The following VWA5A variants were observed in gnomAD, a reference collection of about 807,000 sequenced individuals.
The protein encoded by VWA5A is von Willebrand factor A domain-containing protein 5A.
VWA5A carries 77 observed loss-of-function variants against 84.6 expected under a neutral mutation model. The ratio of observed to expected loss-of-function variants is 0.91; its 90% CI spans 0.76 to 1.10. The LOEUF is 1.10. Ranked by LOEUF, VWA5A falls within the 50% of genes least tolerant of loss-of-function variation. The pLI is 0.00. For missense variants in VWA5A, 973 were observed against 963.0 expected (o/e 1.01, Z -0.14); for synonymous variants, 334 against 350.1 (o/e 0.95, Z 0.51).
chr11:124,145,951 C>A lies in VWA5A; in HGVS notation c.*6C>A, dbSNP rs767994665. 3.8e-6 allele frequency: 6 copies of A among 1,579,756 alleles called. No individual in the cohort carries two copies. The Admixed American group carries it at 7.0e-5, about 18-fold the overall frequency. ...CTGCTATCTTTGCCTTTTGAAGATA[C>A]CATCCAGAAAAAGAAGTGCCTTTAA... On this transcript the variant is annotated 3_prime_UTR_variant, in exon 19 of 19. Coordinates refer to ENST00000456829, the MANE Select transcript of VWA5A (RefSeq NM_001130142.2).
intron 11 of VWA5A, among the ~76,000 whole-genome samples, chr11:124,125,261 G>T (rs1223616110): frequency 6.6e-6 from 1 of 150,808 alleles, no homozygotes; most frequent in Non-Finnish European, 1.5e-5. Context: ...TTAGTTTTGT[G>T]TGTGTGTCGT....
At chr11:124,142,218 C>G (rs762137892) in intron 16 of VWA5A, among the ~76,000 whole-genome samples, 2 of 152,202 alleles carry the variant, frequency 1.3e-5, no homozygotes, top group Non-Finnish European at 2.9e-5. Flanking sequence ...CTGCCCTCGC[C>G]CCCCAGCAGA....
Position 124,137,030 on chromosome 11 carries a change from C to T in VWA5A, c.1641C>T (p.Arg547=). The T allele has an allele frequency of 6.2e-7, 1 of 1,612,914 alleles. No homozygotes were observed. The highest frequency in any genetic ancestry group is 8.5e-7 in the Non-Finnish European group (1 of 1,179,698). Residue 547 remains arginine (R), a synonymous_variant, in exon 15 of 19, where the codon CGC becomes CGT. Transcript: ENST00000456829. ...PKPDVNLTIH[R]LAAKSLLQTK... The stretch of plus-strand genomic sequence containing the variant: ...TTCCTTTCAGCCTCACCATTCACCG[C>T]CTTGCTGCCAAGTCCTTGCTCCAGA...
chr11:124,130,963 T>G (rs974120675), intron 11 of VWA5A, among the ~76,000 whole-genome samples: 2 of 152,080 alleles, frequency 1.3e-5, no homozygotes, highest in Non-Finnish European at 2.9e-5. Context: ...AGTGTAGCAT[T>G]CTTCCTCTTT....
At chr11:124,135,536 T>C (rs1347663562) in intron 12 of VWA5A, among the ~76,000 whole-genome samples, 1 of 140,700 alleles carries the variant, frequency 7.1e-6, no homozygotes, top group Non-Finnish European at 1.5e-5. Context: ...TTTTTTTTTT[T>C]TTTTTTTTTT....
chr11:124,127,041 T>G (rs1158633163), intron 11 of VWA5A, among the ~76,000 whole-genome samples: 2 of 152,206 alleles, frequency 1.3e-5, no homozygotes, highest in African/African-American at 4.8e-5. Context: ...GTTCTTTTTA[T>G]TAAGTTCTGG....
rs1004677166 is a variant in VWA5A, at chr11:124,136,453, T to C, written c.1525-121T>C. The C allele has an allele frequency of 2.1e-6, 3 of 1,414,080 alleles. No homozygotes were observed. The South Asian group carries it at 3.9e-5, about 18-fold the overall frequency. The allele number at this position is 1,414,080 out of a possible 1,614,324, so 87.6% of individuals were successfully genotyped here. A position where few individuals can be genotyped will look rare whatever the true frequency, so the allele number is the denominator to read the frequency against. On this transcript the variant is annotated intron_variant, in intron 13 of 18. Transcript: ENST00000456829. ...ATTTCAGGTCTCCGGTTTCCTAGGC[T>C]ACCTGATTCTTCATCAGATATTTTC...
intron 17 of VWA5A, 33 bp downstream of exon 17, chr11:124,142,605 T>A: frequency 6.2e-7 from 1 of 1,612,444 alleles, no homozygotes; most frequent in Non-Finnish European, 8.5e-7. Context: ...GTATGTATGT[T>A]TTTGAGAGAG....
chr11:124,123,479 G>C, intron 9 of VWA5A, 25 bp downstream of exon 9: 1 of 1,611,430 alleles, frequency 6.2e-7, no homozygotes, highest in Non-Finnish European at 8.5e-7. Flanking sequence ...AGACAATAGG[G>C]AGTACAAAAC....
Position 124,142,569 on chromosome 11 carries a change from C to A in VWA5A, c.2151C>A (p.Ala717=), listed in dbSNP as rs140075877. Residue 717 remains alanine (A), a synonymous_variant, in exon 17 of 19, where the codon GCC becomes GCA. Transcript: ENST00000456829. ...SLEEIMAAQP[A]ELVDSSGWAT... The stretch of plus-strand genomic sequence containing the variant: ...AAGAAATAATGGCTGCACAGCCTGC[C>A]GAGGTAAGATTCAATGGAAAAAGGA... The A allele has an allele frequency of 2.4e-4, 384 of 1,613,912 alleles. No homozygotes were observed. In the African/African-American group the frequency reaches 4.3e-3, roughly 18 times the overall value.
rs144682724 is a variant in VWA5A, at chr11:124,136,585, A to C, written c.1536A>C (p.Thr512=). The C allele has an allele frequency of 6.2e-7, 1 of 1,614,078 alleles. No individual in the cohort carries two copies. Among genetic ancestry groups the C allele is most frequent in the Non-Finnish European group, 8.5e-7 (1 of 1,180,028 alleles). ...TCTCTAATTTGCAGGCAGCAGAGAC[A>C]ACAGGAGAAGTATGCCTCAAATATA... is the stretch of plus-strand genomic sequence containing the variant. ...QLTGRMPAAE[T]TGEVCLKYTL... The change falls in exon 14 of 19, where the codon ACA becomes ACC. Residue 512 remains threonine (T), a synonymous_variant. Coordinates refer to ENST00000456829, the MANE Select transcript of VWA5A (RefSeq NM_001130142.2).
intron 14 of VWA5A, 34 bp downstream of exon 14, chr11:124,136,708 C>T (rs921910942): frequency 3.9e-6 from 4 of 1,016,346 alleles, no homozygotes; most frequent in Non-Finnish European, 4.4e-6. Flanking sequence ...TTCCTTCCTT[C>T]CTTCCTTCCT....
chr11:124,120,887 T>C (rs1199923342), intron 7 of VWA5A, among the ~76,000 whole-genome samples: 1 of 152,220 alleles, frequency 6.6e-6, no homozygotes, highest in Non-Finnish European at 1.5e-5. Flanking sequence ...GTCCCTGTTT[T>C]TCTAAGAAGT....
chr11:124,125,623 G>T lies in VWA5A; in HGVS notation c.1244+1307G>T, dbSNP rs538810005. 6.6e-5 allele frequency among the ~76,000 whole-genome samples: 10 copies of T among 152,262 alleles called. No homozygotes were observed. In the East Asian group the frequency reaches 1.7e-3, roughly 26 times the overall value. ...AACTTACATTTTCCTGCTGATGAATGAAGTTTAGCACCACTTCATATTTAC... is the reference window on the plus strand; with the variant it reads ...AACTTACATTTTCCTGCTGATGAATTAAGTTTAGCACCACTTCATATTTAC... On this transcript the variant is annotated intron_variant, in intron 11 of 18. Transcript: ENST00000456829.
chr11:124,119,608 T>A (rs2137628338), intron 7 of VWA5A, among the ~76,000 whole-genome samples: 1 of 152,292 alleles, frequency 6.6e-6, no homozygotes, highest in Admixed American at 6.5e-5. Flanking sequence ...TAAGTAAAAA[T>A]ATGCACTGAG....
At chr11:124,142,716 T>A in intron 17 of VWA5A, 144 bp downstream of exon 17, 5 of 1,100,268 alleles carry the variant, frequency 4.5e-6, no homozygotes, top group Non-Finnish European at 6.3e-6. Context: ...AGGCTGAAGG[T>A]TTTTCCAGTC....
At position 124,118,516 on chromosome 11, in the gene VWA5A, A is replaced by T. The variant is rs375820625; in HGVS notation, c.470-17A>T. On this transcript the variant is annotated splice_polypyrimidine_tract_variant and intron_variant, in intron 5 of 18. Transcript: ENST00000456829. ...AAGTGTTGGCAAGGAAAACAGAACT[A>T]AGGTCATCTTTTATAGGGTCGTCTA... 7 of 1,613,490 alleles carry T rather than the reference A, an allele frequency of 4.3e-6. No homozygotes were observed. Among genetic ancestry groups the T allele is most frequent in the Non-Finnish European group, 5.9e-6 (7 of 1,179,552 alleles).
chr11:124,137,428 C>T (rs1457048977), intron 15 of VWA5A, among the ~76,000 whole-genome samples, 160 bp downstream of exon 15: 2 of 152,084 alleles, frequency 1.3e-5, no homozygotes, highest in Non-Finnish European at 2.9e-5. Context: ...TTTTCTGTCC[C>T]AGGGAACTAG....
At chr11:124,132,272 T>C (rs1865108121) in intron 11 of VWA5A, among the ~76,000 whole-genome samples, 1 of 152,100 alleles carries the variant, frequency 6.6e-6, no homozygotes, top group African/African-American at 2.4e-5. Context: ...ATTTTGAATC[T>C]ATTTTCATGG....
Sources: allele counts gnomAD v4.1 joint callset (sites outside exome capture counted in the v4.1 genomes callset), GRCh38; gene constraint gnomAD v4.1.1; transcripts MANE v1.5; gene names NCBI Gene and HGNC (gene_info 2026-07-23, HGNC 2026-07-21).